Variants in UBE2V2 observed in about 807,000 individuals in gnomAD.
UBE2V2 encodes the protein ubiquitin-conjugating enzyme E2 variant 2.
UBE2V2 carries 9 observed loss-of-function variants against 17.2 expected under a neutral mutation model. The observed-to-expected ratio is 0.52, with a 90% CI of 0.32 to 0.91. UBE2V2 has a LOEUF of 0.91. Among genes scored for constraint, UBE2V2 ranks in the 40% least tolerant of loss-of-function variants. The pLI is 0.04. For missense variants in UBE2V2, 133 were observed against 182.6 expected, an observed-to-expected ratio of 0.73 and a Z score of 1.56; for synonymous variants, 61 against 57.5, an observed-to-expected ratio of 1.06 and a Z score of -0.28.
intron 2 of UBE2V2, among the ~76,000 whole-genome samples, chr8:48,044,485 A>G (rs1013585653): frequency 5.9e-5 from 9 of 152,184 alleles, no homozygotes; most frequent in African/African-American, 2.2e-4. Context: ...GTATCAGGTA[A>G]TTAGCAACAT....
At chr8:48,008,875 G>A (rs2091205994) in intron 1 of UBE2V2, among the ~76,000 whole-genome samples, 1 of 152,206 alleles carries the variant, frequency 6.6e-6, no homozygotes, top group African/African-American at 2.4e-5. Context: ...AGGCCAAGAG[G>A]TGTCCTGGAT....
At chr8:48,025,981 C>T (rs752859440) in intron 1 of UBE2V2, among the ~76,000 whole-genome samples, 3 of 152,032 alleles carry the variant, frequency 2.0e-5, no homozygotes, top group African/African-American at 4.8e-5. Context: ...TTGATAGAAA[C>T]GTATCTCTGT....
At position 48,029,980 on chromosome 8, in the gene UBE2V2, A is replaced by G. The variant is rs913053963; in HGVS notation, c.17-13053A>G. Among the ~76,000 whole-genome samples, 10 of 152,294 alleles carry G rather than the reference A, an allele frequency of 6.6e-5. 1 individual carries two copies. In the South Asian group the frequency reaches 1.9e-3, roughly 28 times the overall value. Reference sequence around the variant, plus strand: ...ACTTAGAAATTAAAACTAGAGAGGAACCAGAATATATTAGCTTACTTAACT... The same window carrying G: ...ACTTAGAAATTAAAACTAGAGAGGAGCCAGAATATATTAGCTTACTTAACT... On this transcript the variant is annotated intron_variant, in intron 1 of 3. Transcript: ENST00000523111.
intron 1 of UBE2V2, among the ~76,000 whole-genome samples, chr8:48,032,203 A>G: frequency 6.6e-6 from 1 of 152,232 alleles, no homozygotes; most frequent in Admixed American, 6.5e-5. Context: ...CTCATTTGTT[A>G]ACTGAATACT....
chr8:48,008,618 C>T, intron 1 of UBE2V2, 148 bp downstream of exon 1: 1 of 1,158,136 alleles, frequency 8.6e-7, no homozygotes, highest in South Asian at 2.5e-5. Flanking sequence ...TAGCCTGGGA[C>T]CGGGTGGGAC....
At chr8:48,052,791 A>G (rs2091547414) in intron 3 of UBE2V2, among the ~76,000 whole-genome samples, 1 of 152,214 alleles carries the variant, frequency 6.6e-6, no homozygotes, top group South Asian at 2.1e-4. Flanking sequence ...GGAGTGCTCA[A>G]GGTGCACACT....
chr8:48,011,740 A>T (rs1284754511), intron 1 of UBE2V2, among the ~76,000 whole-genome samples: 2 of 152,108 alleles, frequency 1.3e-5, no homozygotes, highest in Non-Finnish European at 2.9e-5. Flanking sequence ...TGCAGCCTCG[A>T]CCTGCTGGGG....
chr8:48,027,830 A>G (rs1490141883), intron 1 of UBE2V2, among the ~76,000 whole-genome samples: 1 of 151,996 alleles, frequency 6.6e-6, no homozygotes, highest in Non-Finnish European at 1.5e-5. Context: ...TCTTCTTTGG[A>G]GAAATGTCTA....
intron 1 of UBE2V2, among the ~76,000 whole-genome samples, chr8:48,023,703 C>T (rs2091320487): frequency 6.6e-6 from 1 of 151,868 alleles, no homozygotes; most frequent in Non-Finnish European, 1.5e-5. Flanking sequence ...GATACCCTAT[C>T]TCTATTAAAA....
At chr8:48,054,470 T>A (rs181635765) in intron 3 of UBE2V2, among the ~76,000 whole-genome samples, 10 of 152,308 alleles carry the variant, frequency 6.6e-5, no homozygotes, top group Admixed American at 2.0e-4. Context: ...ATTTTAATCA[T>A]TATTGGAGTG....
chr8:48,011,474 G>A (rs534623175), intron 1 of UBE2V2, among the ~76,000 whole-genome samples: 1 of 152,240 alleles, frequency 6.6e-6, no homozygotes, highest in East Asian at 1.9e-4. Flanking sequence ...CACTGAGCTT[G>A]GTCTAATACA....
intron 1 of UBE2V2, among the ~76,000 whole-genome samples, chr8:48,011,176 G>A (rs768482018): frequency 5.3e-5 from 8 of 151,968 alleles, no homozygotes; most frequent in Non-Finnish European, 7.4e-5. Flanking sequence ...TGTAATGCAC[G>A]TGTTTGTTTG....
At chr8:48,040,115 A>G (rs1235828802) in intron 1 of UBE2V2, among the ~76,000 whole-genome samples, 3 of 151,042 alleles carry the variant, frequency 2.0e-5, no homozygotes, top group African/African-American at 7.3e-5. Flanking sequence ...AAGGATTCCC[A>G]TATACCTTCA....
chr8:48,029,476 A>C (rs1201235922), intron 1 of UBE2V2, among the ~76,000 whole-genome samples: 1 of 152,216 alleles, frequency 6.6e-6, no homozygotes, highest in Non-Finnish European at 1.5e-5. Context: ...GAAGGGCAGG[A>C]GTCTGAGCTC....
At chr8:48,050,724 C>T (rs982267121) in intron 3 of UBE2V2, among the ~76,000 whole-genome samples, 1 of 150,326 alleles carries the variant, frequency 6.7e-6, no homozygotes, top group Non-Finnish European at 1.5e-5. Context: ...CATTATTTCT[C>T]TTTGAATGTT....
intron 1 of UBE2V2, among the ~76,000 whole-genome samples, chr8:48,025,435 T>C (rs1329708981): frequency 6.7e-6 from 1 of 150,274 alleles, no homozygotes; most frequent in African/African-American, 2.4e-5. Context: ...AGCTGATTAT[T>C]ATTATTTTTT....
chr8:48,014,744 T>C (rs2091256811), intron 1 of UBE2V2, among the ~76,000 whole-genome samples: 1 of 150,874 alleles, frequency 6.6e-6, no homozygotes, highest in Non-Finnish European at 1.5e-5. Flanking sequence ...ATTAAAATGT[T>C]TTATTTCATT....
At chr8:48,043,921 T>C (rs1589862302) in intron 2 of UBE2V2, among the ~76,000 whole-genome samples, 2 of 151,088 alleles carry the variant, frequency 1.3e-5, no homozygotes, top group Admixed American at 6.6e-5. Context: ...TTTTCTAGCT[T>C]GGGATTTTTT....
intron 1 of UBE2V2, among the ~76,000 whole-genome samples, chr8:48,014,146 T>A (rs1412917998): frequency 6.6e-6 from 1 of 152,200 alleles, no homozygotes; most frequent in African/African-American, 2.4e-5. Flanking sequence ...TCTAGGTCAT[T>A]TGGGAGCCTG....
Sources: allele counts gnomAD v4.1 joint callset (sites outside exome capture counted in the v4.1 genomes callset), GRCh38; gene constraint gnomAD v4.1.1; transcripts MANE v1.5; gene names NCBI Gene and HGNC (gene_info 2026-07-23, HGNC 2026-07-21).